PNN: variants seen among roughly 807,000 people sequenced by gnomAD.
The protein encoded by PNN is pinin, desmosome associated protein, also known as pinin.
In PNN, 38 loss-of-function variants were observed where a neutral mutation model predicts 76.6. The ratio of observed to expected loss-of-function variants is 0.50; its 90% confidence interval spans 0.38 to 0.65. PNN has a LOEUF of 0.65. PNN is among the 30% of genes least tolerant of loss of function. The probability of loss-of-function intolerance (pLI) is 0.00; values close to 1 mark genes in which losing one functional copy is unlikely to be tolerated. For missense variants in PNN, 873 were observed against 874.1 expected (o/e 1.00, Z 0.02); for synonymous variants, 366 against 283.7 (o/e 1.29, Z -2.91).
In PNN at chr14:39,181,090, A is replaced by G. The variant is rs2053265995; in HGVS notation, c.1381A>G (p.Lys461Glu). 1.2e-6 allele frequency: 2 copies of G among 1,613,874 alleles called. No homozygotes were observed. The highest frequency in any genetic ancestry group is 1.3e-5 in the African/African-American group (1 of 75,020). ...ALDMEKESEEKEEKESEPQPE... is the reference protein window; with the variant it reads ...ALDMEKESEEEEEKESEPQPE... The stretch of plus-strand genomic sequence containing the variant: ...AGACATGGAAAAGGAGTCTGAGGAA[A>G]AAGAAGAAAAAGAATCTGAGCCCCA... The change falls in exon 9 of 9, where the codon AAA (lysine) becomes GAA (glutamate). Residue 461 changes from lysine (K) to glutamate (E), a missense_variant. Around this residue, in one of 3 missense-constraint regions of PNN, gnomAD observed 712 missense variants for 693.1 expected, o/e 1.03. Transcript: ENST00000216832.
In PNN at chr14:39,182,120, C is replaced by T; in HGVS notation, c.*257C>T. 2.8e-6 allele frequency: 1 copy of T among 351,298 alleles called. No homozygotes were observed. The highest frequency in any genetic ancestry group is 4.2e-5 in the South Asian group (1 of 24,008). 21.8% of individuals were successfully genotyped at this position (351,298 alleles called of 1,614,324 possible). On this transcript the variant is annotated 3_prime_UTR_variant, in exon 9 of 9. Coordinates refer to ENST00000216832, the MANE Select transcript of PNN (RefSeq NM_002687.4). ...ATAAAAAAAGATTAACATCCCTTGT[C>T]ATCTTTTTTAAATATCCTATACTCT...
At position 39,182,281 on chromosome 14, in the gene PNN, TAATA is replaced by T. The variant is rs1390487534; in HGVS notation, c.*423_*426del. The T allele has an allele frequency of 1.3e-5, 2 of 157,388 alleles. No homozygotes were observed. The highest frequency in any genetic ancestry group is 6.2e-5 in the Admixed American group (1 of 16,216). 9.7% of individuals were successfully genotyped at this position (157,388 alleles called of 1,614,324 possible). On this transcript the variant is annotated 3_prime_UTR_variant, in exon 9 of 9. Coordinates refer to ENST00000216832, the MANE Select transcript of PNN (RefSeq NM_002687.4). ...TGGGATGTCCTCGTTGACACTTGTA[TAATA>T]AATATCCTCTTTATCATTTTCAGCT...
At position 39,182,519 on chromosome 14, in the gene PNN, GTAGATAAC is replaced by G. The variant is rs1334540335; in HGVS notation, c.*659_*666del. 2.0e-5 allele frequency: 3 copies of G among 152,570 alleles called. No individual in the cohort carries two copies. The highest frequency in any genetic ancestry group is 4.4e-5 in the Non-Finnish European group (3 of 68,074). The allele number at this position is 152,570 out of a possible 1,614,324, so 9.5% of individuals were successfully genotyped here. A position where few individuals can be genotyped will look rare whatever the true frequency, so the allele number is the denominator to read the frequency against. On this transcript the variant is annotated 3_prime_UTR_variant, in exon 9 of 9. Transcript: ENST00000216832. The stretch of plus-strand genomic sequence containing the variant: ...TTCTCATATTTTAACCATATGTTCG[GTAGATAAC>G]TAAACAGTATGATCTGGTTGGCATT...
At chr14:39,180,318 C>G (rs975749037) in intron 8 of PNN, among the ~76,000 whole-genome samples, 185 bp from the exon 9 acceptor site, 1 of 152,026 alleles carries the variant, frequency 6.6e-6, no homozygotes, top group Non-Finnish European at 1.5e-5. Context: ...TGTAGATTTC[C>G]CATGGATCTT....
At position 39,181,019 on chromosome 14, in the gene PNN, A is replaced by C. The variant is rs375736129; in HGVS notation, c.1310A>C (p.Lys437Thr). 1 of 1,612,890 alleles carries C rather than the reference A, an allele frequency of 6.2e-7. No individual in the cohort carries two copies. Among genetic ancestry groups the C allele is most frequent in the East Asian group, 2.2e-5 (1 of 44,880 alleles). ...PEMEFEIEPD[K>T]ECKTLSPGKE... ...ATGGAATTTGAAATTGAGCCAGATA[A>C]AGAATGTAAAACCCTTTCTCCTGGG... The change falls in exon 9 of 9, where the codon AAA (lysine) becomes ACA (threonine). Residue 437 changes from lysine (K) to threonine (T), a missense_variant. Lys to Thr is a moderately conservative substitution (Grantham distance 78). Transcript: ENST00000216832.
chr14:39,180,652 C>A lies in PNN; in HGVS notation c.943C>A (p.Arg315=), dbSNP rs779563764. The part of the protein sequence containing the change: ...AEQEEGKVAQ[R]EEELEETGNQ... Reference sequence around the variant, plus strand: ...ACAAGAAGAGGGTAAGGTGGCTCAGCGAGAGGAAGAGTTGGAGGAGACAGG... The same window carrying A: ...ACAAGAAGAGGGTAAGGTGGCTCAGAGAGAGGAAGAGTTGGAGGAGACAGG... Residue 315 remains arginine, a synonymous_variant, in exon 9 of 9, where the codon CGA becomes AGA. Transcript: ENST00000216832. 1.9e-6 allele frequency: 3 copies of A among 1,612,540 alleles called. No homozygotes were observed. The highest frequency in any genetic ancestry group is 4.5e-5 in the East Asian group (2 of 44,866).
Position 39,175,401 on chromosome 14 carries a change from C to CT in PNN, c.113+10dup, listed in dbSNP as rs1282152644. On this transcript the variant is annotated intron_variant, in intron 1 of 8. Coordinates refer to ENST00000216832, the MANE Select transcript of PNN (RefSeq NM_002687.4). ...GATCCGAATGACGTGAGGTAAGGGC[C>CT]TAACGGGAACTCGGAACTCGGAGCT... The CT allele has an allele frequency of 1.3e-6, 2 of 1,542,086 alleles. No individual in the cohort carries two copies. Among genetic ancestry groups the CT allele is most frequent in the African/African-American group, 2.7e-5 (2 of 73,362 alleles).
In PNN at chr14:39,180,500, T is replaced by C. The variant is rs763669669; in HGVS notation, c.794-3T>C. On this transcript the variant is annotated splice_polypyrimidine_tract_variant and splice_region_variant and intron_variant, in intron 8 of 8. Coordinates refer to ENST00000216832, the MANE Select transcript of PNN (RefSeq NM_002687.4). ...TTTACACATGTAAATTTTTATTCTT[T>C]AGCTTTATTTGAAGGTAGACGCATC... The C allele has an allele frequency of 2.6e-6, 4 of 1,549,644 alleles. No homozygotes were observed. The highest frequency in any genetic ancestry group is 2.3e-5 in the East Asian group (1 of 44,310).
chr14:39,181,589 G>T lies in PNN; in HGVS notation c.1880G>T (p.Ser627Ile), dbSNP rs2053270376. ...SSRDSSSSTS[S>I]SSESRSRSRG... The stretch of plus-strand genomic sequence containing the variant: ...AGAGATAGTAGCAGTAGCACTAGTA[G>T]TAGTAGTGAGAGTAGAAGTCGGAGT... The change falls in exon 9 of 9, where the codon AGT becomes ATT. Residue 627 changes from serine (S) to isoleucine (I), a missense_variant. By Grantham distance (142) the Ser-to-Ile change is moderately radical (BLOSUM62 -2). Coordinates refer to ENST00000216832, the MANE Select transcript of PNN (RefSeq NM_002687.4). The T allele has an allele frequency of 6.2e-7, 1 of 1,613,788 alleles. No individual in the cohort carries two copies. Among genetic ancestry groups the T allele is most frequent in the Non-Finnish European group, 8.5e-7 (1 of 1,179,742 alleles).
At chr14:39,176,452 C>T in intron 2 of PNN, 75 bp from the exon 3 acceptor site, 2 of 1,136,196 alleles carry the variant, frequency 1.8e-6, no homozygotes, top group East Asian at 2.5e-5. Flanking sequence ...AAAGTTTAAC[C>T]ATATTCTCTT....
At position 39,179,171 on chromosome 14, in the gene PNN, AG is replaced by A; in HGVS notation, c.580del (p.Glu194AsnfsTer36). 6.2e-7 allele frequency: 1 copy of A among 1,614,132 alleles called. No homozygotes were observed. Among genetic ancestry groups the A allele is most frequent in the Non-Finnish European group, 8.5e-7 (1 of 1,179,994 alleles). ...ERKQVENERR[E>X]LFEERRAKQT... ...GAAAGCAGGTTGAAAATGAAAGGAG[AG>A]AACTGTTTGAAGAGAGGCGTGCTAA... is the stretch of plus-strand genomic sequence containing the variant. On this transcript the variant is annotated frameshift_variant, in exon 7 of 9. Transcript: ENST00000216832. LOFTEE classifies it high-confidence loss of function.
rs1165279156 is a variant in PNN, at chr14:39,180,609, T to C, written c.900T>C (p.Asn300=). The C allele has an allele frequency of 1.9e-6, 3 of 1,613,718 alleles. No homozygotes were observed. Among genetic ancestry groups the C allele is most frequent in the South Asian group, 1.1e-5 (1 of 91,054 alleles). ...MKEKEHQVVR[N]EEQKAEQEEG... is the part of the protein sequence containing the mutation. ...AAAAAGAGCATCAGGTGGTGCGTAA[T>C]GAAGAACAGAAGGCGGAACAAGAAG... The change falls in exon 9 of 9, where the codon AAT becomes AAC. Residue 300 remains asparagine, a synonymous_variant. Transcript: ENST00000216832.
intron 6 of PNN, 86 bp from the exon 7 acceptor site, chr14:39,179,005 T>C: frequency 1.5e-6 from 2 of 1,293,776 alleles, no homozygotes; most frequent in Non-Finnish European, 2.1e-6. Flanking sequence ...TAATAACTTT[T>C]TATCATAATT....
rs374056541 is a variant in PNN at position 39,177,319 on chromosome 14, G to A, written c.255-93G>A. The A allele has an allele frequency of 1.5e-4, 141 of 967,352 alleles. 1 individual carries two copies. The African/African-American group carries it at 2.0e-3, about 13-fold the overall frequency. 59.9% of individuals were successfully genotyped at this position (967,352 alleles called of 1,614,324 possible). On this transcript the variant is annotated intron_variant, in intron 3 of 8. Coordinates refer to ENST00000216832, the MANE Select transcript of PNN (RefSeq NM_002687.4). Reference sequence around the variant, plus strand: ...GAGGATCACTTGAGCCTGGGAGGTCGAGGCTGCAGTGAACCGTGGTGGCAC... The same window carrying A: ...GAGGATCACTTGAGCCTGGGAGGTCAAGGCTGCAGTGAACCGTGGTGGCAC...
chr14:39,177,784 A>T (rs1566557691), intron 5 of PNN, 57 bp from the exon 6 acceptor site: 8 of 1,463,072 alleles, frequency 5.5e-6, no homozygotes, highest in African/African-American at 1.4e-5. Context: ...TTAGAAAATG[A>T]TGGGTTTAAA....
chr14:39,176,797 C>G (rs2737723), intron 3 of PNN, among the ~76,000 whole-genome samples: 126 of 152,166 alleles, frequency 8.3e-4, no homozygotes, highest in Admixed American at 1.8e-3. Flanking sequence ...CTCATGATAA[C>G]CTAAATTTTA....
In PNN at chr14:39,181,392, A is replaced by G. The variant is rs1192848838; in HGVS notation, c.1683A>G (p.Arg561=). The change falls in exon 9 of 9, where the codon AGA becomes AGG. Residue 561 remains arginine (R), a synonymous_variant. Coordinates refer to ENST00000216832, the MANE Select transcript of PNN (RefSeq NM_002687.4). ...AGAGCAAAACCAAAACTAGGAGCAG[A>G]AGTAGAGGTCGAGCTAGAAATAAAA... The part of the protein sequence containing the change: ...ESKSKTKTRS[R]SRGRARNKTS... The G allele has an allele frequency of 3.1e-6, 5 of 1,614,246 alleles. No homozygotes were observed. The highest frequency in any genetic ancestry group is 4.2e-6 in the Non-Finnish European group (5 of 1,180,046).
chr14:39,178,152 A>G (rs1163219002), intron 6 of PNN, among the ~76,000 whole-genome samples: 1 of 152,160 alleles, frequency 6.6e-6, no homozygotes, highest in East Asian at 1.9e-4. Context: ...GTGAAAAAAA[A>G]AAGCCTCAAG....
chr14:39,175,787 C>A lies in PNN; in HGVS notation c.114-291C>A, dbSNP rs538828023. 299 of 480,842 alleles carry A rather than the reference C, an allele frequency of 6.2e-4. 2 individuals are homozygous for A. In the South Asian group the frequency reaches 6.7e-3, roughly 11 times the overall value. 29.8% of individuals were successfully genotyped at this position (480,842 alleles called of 1,614,324 possible). ...GCAACAAGCCGCCTTACCCCAGCTT[C>A]CTGTCCACGTGCAGCCTCCTCGGGG... On this transcript the variant is annotated intron_variant, in intron 1 of 8. Transcript: ENST00000216832.
Sources: allele counts gnomAD v4.1 joint callset (sites outside exome capture counted in the v4.1 genomes callset), GRCh38; gene constraint gnomAD v4.1.1; regional missense constraint gnomAD v4.1.1; transcripts MANE v1.5; gene names NCBI Gene and HGNC (gene_info 2026-07-23, HGNC 2026-07-21).